The following EGF variants were observed in gnomAD, a reference collection of about 807,000 sequenced individuals.
The protein encoded by EGF is epidermal growth factor.
Under a neutral mutation model 143.8 loss-of-function variants are expected in EGF, and 95 were observed. The ratio of observed to expected loss-of-function variants is 0.66; its 90% CI spans 0.56 to 0.78. The LOEUF (loss-of-function observed/expected upper bound fraction) is 0.78. Among genes scored for constraint, EGF ranks in the 30% least tolerant of loss-of-function variants. EGF has a pLI of 0.00. For synonymous variants in EGF, 510 were observed against 510.5 expected, an observed-to-expected ratio of 1.00 and a Z score of 0.01; for missense variants, 1,320 against 1,470.9, an observed-to-expected ratio of 0.90 and a Z score of 1.68.
In EGF at chr4:109,943,354, C is replaced by T. The variant is rs1168923558; in HGVS notation, c.428C>T (p.Thr143Ile). 1 of 1,613,178 alleles carries T rather than the reference C, an allele frequency of 6.2e-7. No homozygotes were observed. Among genetic ancestry groups the T allele is most frequent in the Admixed American group, 1.7e-5 (1 of 59,990 alleles). Residue 143 changes from threonine to isoleucine, a missense_variant, in exon 3 of 24, where the codon ACA (threonine) becomes ATA (isoleucine). By Grantham distance (89) the Thr-to-Ile change is moderately conservative. Transcript: ENST00000265171. ...CAACAGGAAGGAATCATTACAGTAA[C>T]AGATATGAAAGGAAATAATTCCCAC... ...SNQQEGIITV[T>I]DMKGNNSHIL...
chr4:109,943,185 T>C (rs1447410315), intron 2 of EGF, 69 bp from the exon 3 acceptor site: 10 of 1,113,222 alleles, frequency 9.0e-6, no homozygotes, highest in African/African-American at 6.4e-5. Context: ...TTTTTATATA[T>C]AACAATTAAA....
At chr4:109,928,875 T>C (rs778133226) in intron 1 of EGF, among the ~76,000 whole-genome samples, 1 of 152,158 alleles carries the variant, frequency 6.6e-6, no homozygotes, top group Non-Finnish European at 1.5e-5. Flanking sequence ...CTTCCCATCA[T>C]GGCCTGAACT....
intron 5 of EGF, among the ~76,000 whole-genome samples, chr4:109,953,418 G>C (rs1048854285): frequency 1.3e-5 from 2 of 152,178 alleles, no homozygotes; most frequent in Non-Finnish European, 2.9e-5. Flanking sequence ...CTTATACAAA[G>C]AGGAGCCTTT....
intron 20 of EGF, among the ~76,000 whole-genome samples, 187 bp from the exon 21 acceptor site, chr4:109,999,492 G>C (rs1752265942): frequency 1.3e-5 from 2 of 152,206 alleles, no homozygotes; most frequent in African/African-American, 4.8e-5. Context: ...ACGAAAGGGA[G>C]AAGTCCATGC....
intron 10 of EGF, among the ~76,000 whole-genome samples, chr4:109,966,314 A>G (rs1389085326): frequency 6.6e-6 from 1 of 151,908 alleles, no homozygotes; most frequent in Non-Finnish European, 1.5e-5. Flanking sequence ...TTGATTTTCT[A>G]TTTGAGTCAT....
At chr4:109,942,788 A>G (rs931354558) in intron 2 of EGF, among the ~76,000 whole-genome samples, 5 of 152,232 alleles carry the variant, frequency 3.3e-5, no homozygotes, top group Admixed American at 3.3e-4. Context: ...GGCCAGAAGA[A>G]TAAAGGCCAC....
intron 10 of EGF, among the ~76,000 whole-genome samples, chr4:109,966,149 A>G: frequency 6.6e-6 from 1 of 151,942 alleles, no homozygotes; most frequent in Non-Finnish European, 1.5e-5. Flanking sequence ...TTTACCTATC[A>G]CCTGAATAGT....
chr4:109,983,634 G>A, intron 16 of EGF, 93 bp downstream of exon 16: 2 of 1,550,732 alleles, frequency 1.3e-6, no homozygotes, highest in Non-Finnish European at 1.8e-6. Context: ...ACTTAATATT[G>A]CCTAAGTTCT....
At chr4:110,000,550 C>A (rs1752447011) in intron 21 of EGF, among the ~76,000 whole-genome samples, 1 of 152,058 alleles carries the variant, frequency 6.6e-6, no homozygotes, top group Admixed American at 6.5e-5. Context: ...CAATATCTTC[C>A]CTAATTTGGA....
At chr4:109,945,362 G>GA (rs373459185) in intron 5 of EGF, 87 bp downstream of exon 5, 11 of 1,368,826 alleles carry the variant, frequency 8.0e-6, no homozygotes, top group East Asian at 4.9e-5. Flanking sequence ...CGTTGTAGGG[G>GA]AAAAAAAATT....
At chr4:109,992,905 C>G (rs1393185569) in intron 18 of EGF, among the ~76,000 whole-genome samples, 1 of 131,196 alleles carries the variant, frequency 7.6e-6, no homozygotes, top group African/African-American at 2.8e-5. Flanking sequence ...AATGAGAACA[C>G]TTGGACACAG....
In EGF at chr4:109,964,552, C is replaced by G; in HGVS notation, c.1575+15C>G. On this transcript the variant is annotated intron_variant, in intron 10 of 23. Transcript: ENST00000265171. ...TGGAAAATAAGGTATGGTTTTGTTA[C>G]TTGAACAGATGTGGACATGCTTTAA... 1 of 1,613,612 alleles carries G rather than the reference C, an allele frequency of 6.2e-7. No homozygotes were observed. Among genetic ancestry groups the G allele is most frequent in the Admixed American group, 1.7e-5 (1 of 60,002 alleles).
At chr4:109,970,682 C>T (rs1042373500) in intron 11 of EGF, among the ~76,000 whole-genome samples, 5 of 151,844 alleles carry the variant, frequency 3.3e-5, no homozygotes, top group African/African-American at 7.3e-5. Flanking sequence ...AAAAATTAGC[C>T]GGGCGGGTGG....
In EGF at chr4:109,993,379, T is replaced by G; in HGVS notation, c.2857+10T>G. Reference sequence around the variant, plus strand: ...GGACTGATTTGCCCTGGTAGGTTGGTGGGTGGTCTACAGTGAAGGGGAGGG... The same window carrying G: ...GGACTGATTTGCCCTGGTAGGTTGGGGGGTGGTCTACAGTGAAGGGGAGGG... On this transcript the variant is annotated intron_variant, in intron 19 of 23. Transcript: ENST00000265171. The G allele has an allele frequency of 6.2e-7, 1 of 1,612,962 alleles. No individual in the cohort carries two copies. Among genetic ancestry groups the G allele is most frequent in the Non-Finnish European group, 8.5e-7 (1 of 1,179,482 alleles).
chr4:109,965,149 T>C, intron 10 of EGF, among the ~76,000 whole-genome samples: 1 of 152,306 alleles, frequency 6.6e-6, no homozygotes, highest in South Asian at 2.1e-4. Flanking sequence ...GTTGTATCTG[T>C]GCTAGGTTAG....
intron 1 of EGF, 73 bp downstream of exon 1, chr4:109,913,535 T>C: frequency 1.3e-6 from 2 of 1,580,778 alleles, no homozygotes; most frequent in Admixed American, 3.6e-5. Flanking sequence ...TTCAATCTGG[T>C]ATACTTGGGC....
chr4:109,961,269 T>C (rs1745648242), intron 7 of EGF, among the ~76,000 whole-genome samples: 1 of 151,054 alleles, frequency 6.6e-6, no homozygotes, highest in South Asian at 2.1e-4. Context: ...GGCAGAAGGA[T>C]CACTTGAACC....
At position 109,943,254 on chromosome 4, in the gene EGF, A is replaced by G; in HGVS notation, c.328A>G (p.Arg110Gly). 1.3e-6 allele frequency: 2 copies of G among 1,579,214 alleles called. No homozygotes were observed. The highest frequency in any genetic ancestry group is 1.7e-6 in the Non-Finnish European group (2 of 1,164,166). ...ACAATTTTAAAATTTGATTTTGCAG[A>G]GAGTATGTAATATAGAGAAAAATGT... is the stretch of plus-strand genomic sequence containing the variant. ...RVFLNGSRQE[R>G]VCNIEKNVSG... Residue 110 changes from arginine to glycine, a missense_variant and splice_region_variant, in exon 3 of 24, where the codon AGA (arginine) becomes GGA (glycine). By Grantham distance (125) the Arg-to-Gly change is moderately radical. Around this residue, in one of 5 missense-constraint regions of EGF, gnomAD observed 41 missense variants for 38.1 expected, o/e 1.07. Transcript: ENST00000265171.
At position 109,943,951 on chromosome 4, in the gene EGF, T is replaced by C. The variant is rs201576343; in HGVS notation, c.619T>C (p.Leu207=). 9.9e-6 allele frequency: 16 copies of C among 1,614,144 alleles called. No homozygotes were observed. Among genetic ancestry groups the C allele is most frequent in the Admixed American group, 6.7e-5 (4 of 60,018 alleles). The part of the protein sequence containing the change: ...ETSEKITAVS[L]DVLDKRLFWI... ...ATCAGAGAAAATAACAGCTGTGTCA[T>C]TGGATGTGCTTGATAAGCGGCTGTT... Residue 207 remains leucine, a synonymous_variant, in exon 4 of 24, where the codon TTG becomes CTG. Transcript: ENST00000265171.
Sources: gnomAD v4.1 joint callset for allele counts (sites outside exome capture counted in the v4.1 genomes callset) on GRCh38, gnomAD v4.1.1 for gene constraint, gnomAD v4.1.1 regional missense constraint, MANE v1.5 for transcripts, NCBI Gene and HGNC (gene_info 2026-07-23, HGNC 2026-07-21) for gene names.